The following GSE1 variants were observed in gnomAD, a reference collection of about 807,000 sequenced individuals.
GSE1 encodes genetic suppressor element 1.
Under a neutral mutation model 112.6 loss-of-function variants are expected in GSE1, and 32 were observed. The observed-to-expected ratio is 0.28, with a 90% CI of 0.21 to 0.38. The LOEUF (loss-of-function observed/expected upper bound fraction) is 0.38, where lower values mean the gene tolerates loss of function less well. GSE1 is among the 10% of genes least tolerant of loss of function. GSE1 has a pLI of 1.00. For synonymous variants in GSE1, 1,115 were observed against 735.6 expected (o/e 1.52, Z -8.35); for missense variants, 2,348 against 1,699.2 (o/e 1.38, Z -6.71).
intron 2 of GSE1, among the ~76,000 whole-genome samples, 173 bp downstream of exon 2, chr16:85,634,305 C>T (rs2049804836): frequency 6.6e-6 from 1 of 152,246 alleles, no homozygotes; most frequent in Admixed American, 6.5e-5. Context: ...AGTCCGCCTG[C>T]CCCAGCACCT....
At chr16:85,420,580 A>T (rs1286863533) in intron 2 of GSE1, among the ~76,000 whole-genome samples, 1 of 152,076 alleles carries the variant, frequency 6.6e-6, no homozygotes, top group Non-Finnish European at 1.5e-5. Context: ...TGTCACCACC[A>T]TGCGTCCTCC....
At chr16:85,502,791 C>T (rs1300850858) in intron 2 of GSE1, among the ~76,000 whole-genome samples, 2 of 152,202 alleles carry the variant, frequency 1.3e-5, no homozygotes, top group African/African-American at 2.4e-5. Context: ...CTGGCTTGTC[C>T]AGGGATCCTC....
chr16:85,572,562 TACAC>T (rs1048392970), intron 1 of GSE1, among the ~76,000 whole-genome samples: 8 of 151,730 alleles, frequency 5.3e-5, no homozygotes, highest in South Asian at 4.2e-4. Flanking sequence ...CAACACGACA[TACAC>T]ACACACACCA....
At chr16:85,297,581 C>A (rs1552270) in intron 1 of GSE1, among the ~76,000 whole-genome samples, 52,887 of 152,014 alleles carry the variant, frequency 0.35, 9,452 homozygotes, top group Admixed American at 0.45. Context: ...CTCACTGCAG[C>A]CTCCACCTCT....
chr16:85,616,387 T>G (rs1015207511), intron 1 of GSE1, among the ~76,000 whole-genome samples: 1 of 152,184 alleles, frequency 6.6e-6, no homozygotes, highest in Non-Finnish European at 1.5e-5. Context: ...TCGCAGGGGC[T>G]TGTGGAGTCG....
intron 14 of GSE1, among the ~76,000 whole-genome samples, chr16:85,668,630 C>T (rs781601130): frequency 1.3e-5 from 2 of 152,178 alleles, no homozygotes; most frequent in African/African-American, 2.4e-5. Flanking sequence ...CTTGCTAGGG[C>T]ATCCAAGTAC....
chr16:85,609,727 T>C (rs2047882398), upstream of GSE1, among the ~76,000 whole-genome samples: 1 of 152,074 alleles, frequency 6.6e-6, no homozygotes, highest in African/African-American at 2.4e-5. Flanking sequence ...CAATCTCAGC[T>C]CACTGCGACC....
At chr16:85,606,815 G>T (rs898410871), upstream of GSE1, among the ~76,000 whole-genome samples, 4 of 152,228 alleles carry the variant, frequency 2.6e-5, no homozygotes, top group Non-Finnish European at 5.9e-5. Context: ...AGGGGTATGT[G>T]TGGGGGGTGC....
chr16:85,359,904 C>T (rs1482474142), intron 2 of GSE1, among the ~76,000 whole-genome samples: 1 of 152,108 alleles, frequency 6.6e-6, no homozygotes, highest in Non-Finnish European at 1.5e-5. Flanking sequence ...CATGGTGGCA[C>T]GCACCTGTGG....
At chr16:85,201,200 G>A (rs1282099055) in intron 1 of GSE1, among the ~76,000 whole-genome samples, 1 of 152,122 alleles carries the variant, frequency 6.6e-6, no homozygotes, top group African/African-American at 2.4e-5. Context: ...AGCCTCCTGA[G>A]TAGCTGAGGC....
At chr16:85,579,568 C>A (rs1326116969) in intron 1 of GSE1, among the ~76,000 whole-genome samples, 1 of 152,180 alleles carries the variant, frequency 6.6e-6, no homozygotes, top group African/African-American at 2.4e-5. Context: ...AGATCCAGGG[C>A]CAGCAGGGTC....
intron 1 of GSE1, among the ~76,000 whole-genome samples, chr16:85,237,761 C>T (rs11149728): frequency 6.6e-6 from 1 of 151,450 alleles, no homozygotes; most frequent in Non-Finnish European, 1.5e-5. Flanking sequence ...TGGCGTGAAC[C>T]CAGGAGGCGG....
intron 2 of GSE1, among the ~76,000 whole-genome samples, chr16:85,644,049 C>T (rs2050658352): frequency 6.6e-6 from 1 of 152,160 alleles, no homozygotes; most frequent in African/African-American, 2.4e-5. Context: ...GGTGGTGGGG[C>T]AGGCACCGTT....
At chr16:85,613,990 C>T (rs985790087) in intron 1 of GSE1, among the ~76,000 whole-genome samples, 1 of 151,634 alleles carries the variant, frequency 6.6e-6, no homozygotes, top group Non-Finnish European at 1.5e-5. Context: ...GGGTTTGTGA[C>T]CCCCACGCCC....
chr16:85,373,073 T>C lies in GSE1; in HGVS notation c.2464+15430T>C, dbSNP rs973440862. On this transcript the variant is annotated intron_variant, in intron 2 of 2. Coordinates refer to the GSE1 transcript ENST00000637419. The surrounding 1 kb of genome is among the most constrained non-coding windows in gnomAD (Gnocchi z 5.1). ...CCAGAATCACCTGCACGGCTTTGAC[T>C]GTGAGGGCAGTGGGCTGTGGCCTTC... 1.3e-5 allele frequency among the ~76,000 whole-genome samples: 2 copies of C among 152,268 alleles called. No homozygotes were observed. Among genetic ancestry groups the C allele is most frequent in the African/African-American group, 4.8e-5 (2 of 41,482 alleles).
chr16:85,515,632 C>G (rs1332548757), intron 2 of GSE1, among the ~76,000 whole-genome samples: 1 of 141,486 alleles, frequency 7.1e-6, no homozygotes, highest in African/African-American at 2.7e-5. Context: ...ATCGCCTGAA[C>G]AGGTCGGGGG....
At chr16:85,252,635 G>T (rs1256464301) in intron 1 of GSE1, among the ~76,000 whole-genome samples, 1 of 152,232 alleles carries the variant, frequency 6.6e-6, no homozygotes, top group Non-Finnish European at 1.5e-5. Flanking sequence ...GGCTGGAGAG[G>T]CCCCAGCTGT....
chr16:85,663,219 T>C, intron 10 of GSE1, 125 bp from the exon 11 acceptor site: 1 of 1,312,230 alleles, frequency 7.6e-7, no homozygotes, highest in Non-Finnish European at 1.1e-6. Context: ...CCCATGAAGC[T>C]CTTCTCCCAC....
chr16:85,497,840 C>A (rs149680053), intron 2 of GSE1, among the ~76,000 whole-genome samples: 1 of 152,154 alleles, frequency 6.6e-6, no homozygotes, highest in African/African-American at 2.4e-5. Context: ...CAGCACCTGA[C>A]GTGGCAACTC....
Sources: gnomAD v4.1 joint callset for allele counts (sites outside exome capture counted in the v4.1 genomes callset) on GRCh38, gnomAD v4.1.1 for gene constraint, Gnocchi (gnomAD v3.1) non-coding constraint, MANE v1.5 for transcripts, NCBI Gene and HGNC (gene_info 2026-07-23, HGNC 2026-07-21) for gene names.